Variants in IFT88 observed in about 807,000 individuals in gnomAD.
IFT88 encodes the protein intraflagellar transport protein 88 homolog.
Under a neutral mutation model 119.5 loss-of-function variants are expected in IFT88, and 74 were observed. The observed-to-expected ratio is 0.62, with a 90% CI of 0.51 to 0.75. The LOEUF is 0.75. IFT88 is among the 30% of genes least tolerant of loss of function. The pLI is 0.00. For missense variants in IFT88, 961 were observed against 977.7 expected (o/e 0.98, Z 0.23); for synonymous variants, 279 against 316.7 (o/e 0.88, Z 1.26).
intron 8 of IFT88, among the ~76,000 whole-genome samples, 157 bp downstream of exon 8, chr13:20,596,397 T>G (rs1385688082): frequency 2.0e-5 from 3 of 152,226 alleles, no homozygotes; most frequent in African/African-American, 7.2e-5. Context: ...GTAACTCAGT[T>G]TCATAAATTT....
chr13:20,597,546 C>T (rs974211157), intron 9 of IFT88, among the ~76,000 whole-genome samples: 1 of 152,026 alleles, frequency 6.6e-6, no homozygotes, highest in Non-Finnish European at 1.5e-5. Context: ...AAATCGAGAC[C>T]ATCCTGGCTA....
Position 20,596,224 on chromosome 13 carries a change from G to A in IFT88, c.473G>A (p.Cys158Tyr). Residue 158 changes from cysteine (C) to tyrosine (Y), a missense_variant, in exon 8 of 26, where the codon TGT becomes TAT. Cys to Tyr is a radical substitution (Grantham distance 194, BLOSUM62 -2). Transcript: ENST00000351808. ...LVEESCIANS[C>Y]GDLKLALEKA... ...GAAGAAAGCTGTATTGCCAATAGTT[G>A]TGGAGACTTAAAATTGGTAAGTTCA... 6.6e-7 allele frequency: 1 copy of A among 1,517,432 alleles called. No individual in the cohort carries two copies. Among genetic ancestry groups the A allele is most frequent in the Non-Finnish European group, 9.0e-7 (1 of 1,109,556 alleles). The allele number at this position is 1,517,432 out of a possible 1,614,324, so 94.0% of individuals were successfully genotyped here.
At chr13:20,605,127 CG>C in intron 13 of IFT88, 22 bp downstream of exon 13, 35 of 1,013,212 alleles carry the variant, frequency 3.5e-5, no homozygotes, top group Non-Finnish European at 4.6e-5. Flanking sequence ...AACTTAATAA[CG>C]TAGTTATTAA....
intron 2 of IFT88, among the ~76,000 whole-genome samples, chr13:20,577,028 C>T (rs1323539831): frequency 6.6e-6 from 1 of 152,108 alleles, no homozygotes; most frequent in Non-Finnish European, 1.5e-5. Flanking sequence ...CTTATGTCCT[C>T]TTCAGTTTCT....
chr13:20,569,456 C>T (rs142626653), intron 1 of IFT88, among the ~76,000 whole-genome samples: 8,259 of 151,534 alleles, frequency 0.055, 316 homozygotes, highest in African/African-American at 0.097. Context: ...GCCTGTAGTC[C>T]CAGCTGCTGG....
At chr13:20,618,656 T>C (rs752223843) in intron 14 of IFT88, among the ~76,000 whole-genome samples, 1 of 152,136 alleles carries the variant, frequency 6.6e-6, no homozygotes, top group Non-Finnish European at 1.5e-5. Flanking sequence ...TGGTCTTAAA[T>C]GGGATAGAAC....
At chr13:20,597,561 G>GCA (rs2041889527) in intron 9 of IFT88, among the ~76,000 whole-genome samples, 1 of 151,982 alleles carries the variant, frequency 6.6e-6, no homozygotes, top group East Asian at 1.9e-4. Flanking sequence ...TGGCTAACAT[G>GCA]GTGAAACCCC....
At chr13:20,608,123 C>A in intron 13 of IFT88, 1 of 459,866 alleles carries the variant, frequency 2.2e-6, no homozygotes, top group South Asian at 2.0e-5. Flanking sequence ...CAGAGCTACC[C>A]AAACTCTTAG....
At chr13:20,619,199 C>T (rs962499038) in intron 14 of IFT88, among the ~76,000 whole-genome samples, 1 of 151,914 alleles carries the variant, frequency 6.6e-6, no homozygotes, top group Non-Finnish European at 1.5e-5. Flanking sequence ...AAAAATTATC[C>T]GAAATGGTAA....
chr13:20,585,529 A>C (rs1034214803), intron 3 of IFT88, among the ~76,000 whole-genome samples: 1 of 152,156 alleles, frequency 6.6e-6, no homozygotes, highest in African/African-American at 2.4e-5. Flanking sequence ...TGGCATTCAG[A>C]GTTTTTACTG....
intron 13 of IFT88, among the ~76,000 whole-genome samples, chr13:20,606,588 A>C (rs936823924): frequency 6.6e-6 from 1 of 152,188 alleles, no homozygotes; most frequent in Non-Finnish European, 1.5e-5. Flanking sequence ...TTCATTAAGA[A>C]TCATTGTTTG....
intron 2 of IFT88, among the ~76,000 whole-genome samples, chr13:20,577,827 C>A (rs1240064294): frequency 6.6e-6 from 1 of 151,966 alleles, no homozygotes; most frequent in African/African-American, 2.4e-5. Flanking sequence ...TTCTTTGATG[C>A]ATCTTTGTCA....
At chr13:20,627,470 C>T (rs1279501611) in intron 15 of IFT88, among the ~76,000 whole-genome samples, 1 of 152,100 alleles carries the variant, frequency 6.6e-6, no homozygotes, top group Admixed American at 6.6e-5. Context: ...TGGCTCACAC[C>T]TGTAATCTCA....
chr13:20,586,146 G>C (rs1372774570), intron 3 of IFT88, among the ~76,000 whole-genome samples: 1 of 152,186 alleles, frequency 6.6e-6, no homozygotes, highest in Admixed American at 6.5e-5. Flanking sequence ...GGAAACTGAA[G>C]CCTAGAAAAG....
At chr13:20,668,822 C>T (rs2055239910) in intron 23 of IFT88, among the ~76,000 whole-genome samples, 1 of 152,232 alleles carries the variant, frequency 6.6e-6, no homozygotes, top group Non-Finnish European at 1.5e-5. Context: ...TCCATGCCAG[C>T]TGGCATATCC....
chr13:20,591,265 T>C (rs973697151), intron 5 of IFT88, among the ~76,000 whole-genome samples: 2 of 152,192 alleles, frequency 1.3e-5, no homozygotes, highest in Non-Finnish European at 2.9e-5. Flanking sequence ...ATAGAACTGA[T>C]AATTGCTTAT....
chr13:20,578,034 C>CTTTTTTTTTTTTTTTTTTTTTTTTTTT (rs57202566), intron 2 of IFT88, among the ~76,000 whole-genome samples: 2 of 55,838 alleles, frequency 3.6e-5, no homozygotes, highest in African/African-American at 1.3e-4. Context: ...CTTGTTACTT[C>CTTTTTTTTTTTTTTTTTTTTTTTTTTT]TTTTTTTTTT....
Position 20,691,116 on chromosome 13 carries a change from AG to A in IFT88, c.2418del (p.Ile807SerfsTer11), listed in dbSNP as rs750570861. 4 of 1,613,968 alleles carry A rather than the reference AG, an allele frequency of 2.5e-6. No individual in the cohort carries two copies. The highest frequency in any genetic ancestry group is 3.4e-6 in the Non-Finnish European group (4 of 1,179,874). The part of the protein sequence containing the change: ...IERPKTAAKK[R>X]IDEDDFADEE... ...ACGACCAAAAACTGCAGCCAAGAAA[AG>A]GATCGATGAGGATGATTTTGCTGAT... On this transcript the variant is annotated frameshift_variant, in exon 26 of 26. Coordinates refer to ENST00000351808, the MANE Select transcript of IFT88 (RefSeq NM_006531.5). LOFTEE classifies it high-confidence loss of function.
chr13:20,613,387 ATAC>A (rs1315854929), intron 13 of IFT88, among the ~76,000 whole-genome samples: 1 of 151,338 alleles, frequency 6.6e-6, no homozygotes, highest in Non-Finnish European at 1.5e-5. Flanking sequence ...CTGCAGTGAG[ATAC>A]TACTTCACAC....
Sources: gnomAD v4.1 joint callset for allele counts (sites outside exome capture counted in the v4.1 genomes callset) on GRCh38, gnomAD v4.1.1 for gene constraint, MANE v1.5 for transcripts, NCBI Gene and HGNC (gene_info 2026-07-23, HGNC 2026-07-21) for gene names.